KCND2: variants seen among roughly 807,000 people sequenced by gnomAD.
KCND2 encodes the protein A-type voltage-gated potassium channel KCND2.
KCND2 carries 16 observed loss-of-function variants against 54.4 expected under a neutral mutation model. That is an observed-to-expected ratio of 0.29 (90% confidence interval 0.20 to 0.45). The LOEUF (loss-of-function observed/expected upper bound fraction) is 0.45. Among genes scored for constraint, KCND2 ranks in the 20% least tolerant of loss-of-function variants. The probability of loss-of-function intolerance (pLI) is 1.00; values close to 1 mark genes in which losing one functional copy is unlikely to be tolerated. For synonymous variants in KCND2, 317 were observed against 310.7 expected, an observed-to-expected ratio of 1.02 and a Z score of -0.21; for missense variants, 486 against 824.2, an observed-to-expected ratio of 0.59 and a Z score of 5.02.
chr7:120,450,428 G>A (rs1266645478), intron 1 of KCND2, among the ~76,000 whole-genome samples: 1 of 151,958 alleles, frequency 6.6e-6, no homozygotes, highest in Non-Finnish European at 1.5e-5. Flanking sequence ...AAAATTACTG[G>A]TTTGTATTAC....
At chr7:120,464,576 C>G (rs947857613) in intron 1 of KCND2, among the ~76,000 whole-genome samples, 1 of 152,186 alleles carries the variant, frequency 6.6e-6, no homozygotes, top group Non-Finnish European at 1.5e-5. Context: ...CATCAGAAGT[C>G]TGAGTGGATT....
At chr7:120,519,824 C>A (rs893581115) in intron 1 of KCND2, among the ~76,000 whole-genome samples, 1 of 152,074 alleles carries the variant, frequency 6.6e-6, no homozygotes, top group Non-Finnish European at 1.5e-5. Flanking sequence ...TTTTTACACT[C>A]GAGCCTGATC....
intron 1 of KCND2, among the ~76,000 whole-genome samples, chr7:120,341,706 T>G (rs954880549): frequency 6.6e-6 from 1 of 152,112 alleles, no homozygotes; most frequent in African/African-American, 2.4e-5. Flanking sequence ...ATTAAGGAAT[T>G]AAGATGCCAA....
At chr7:120,318,261 A>G (rs1203962500) in intron 1 of KCND2, among the ~76,000 whole-genome samples, 1 of 152,154 alleles carries the variant, frequency 6.6e-6, no homozygotes, top group East Asian at 1.9e-4. Context: ...TACAAATAGT[A>G]AAGTGTAAAC....
chr7:120,658,929 A>G (rs1470156265), intron 1 of KCND2, among the ~76,000 whole-genome samples: 1 of 152,244 alleles, frequency 6.6e-6, no homozygotes, highest in East Asian at 1.9e-4. Flanking sequence ...GAGAAAATAA[A>G]AAGATGAACT....
chr7:120,410,003 G>T (rs1801423418), intron 1 of KCND2, among the ~76,000 whole-genome samples: 1 of 151,550 alleles, frequency 6.6e-6, no homozygotes, highest in Non-Finnish European at 1.5e-5. Context: ...ATAATTTTTT[G>T]ATCTTGGCTC....
At chr7:120,353,133 C>CTT (rs72353278) in intron 1 of KCND2, among the ~76,000 whole-genome samples, 1,941 of 91,616 alleles carry the variant, frequency 0.021, 136 homozygotes, top group Middle Eastern at 0.06. Context: ...AATACTTTTA[C>CTT]TTTTTTTTTT....
chr7:120,410,552 T>G (rs1472907675), intron 1 of KCND2, among the ~76,000 whole-genome samples: 1 of 152,010 alleles, frequency 6.6e-6, no homozygotes, highest in East Asian at 1.9e-4. Context: ...TCTTTAATTC[T>G]TTTTCTTATT....
intron 1 of KCND2, among the ~76,000 whole-genome samples, chr7:120,380,368 T>A (rs1286615696): frequency 1.3e-5 from 2 of 152,016 alleles, no homozygotes; most frequent in Admixed American, 1.3e-4. Context: ...GCACTGTATT[T>A]GTTCTGAAGC....
intron 1 of KCND2, among the ~76,000 whole-genome samples, chr7:120,517,690 AT>A (rs1237060415): frequency 2.0e-5 from 3 of 152,152 alleles, no homozygotes; most frequent in African/African-American, 7.2e-5. Flanking sequence ...GCTATTTTGA[AT>A]TTTACCACTA....
chr7:120,407,426 A>G (rs1801378629), intron 1 of KCND2, among the ~76,000 whole-genome samples: 1 of 151,986 alleles, frequency 6.6e-6, no homozygotes, highest in African/African-American at 2.4e-5. Flanking sequence ...ATGCAATAAT[A>G]AGACTCCAAA....
At chr7:120,579,644 A>G (rs1033434105) in intron 1 of KCND2, among the ~76,000 whole-genome samples, 7 of 143,808 alleles carry the variant, frequency 4.9e-5, no homozygotes, top group African/African-American at 1.7e-4. Flanking sequence ...AAATAAATAA[A>G]TAAAATAAAA....
At chr7:120,720,165 C>T (rs1400187984) in intron 1 of KCND2, among the ~76,000 whole-genome samples, 2 of 152,062 alleles carry the variant, frequency 1.3e-5, no homozygotes, top group Non-Finnish European at 2.9e-5. Context: ...GTCCATCTTA[C>T]CCTTAGTTTT....
intron 1 of KCND2, among the ~76,000 whole-genome samples, chr7:120,603,851 A>G (rs1438626679): frequency 1.3e-5 from 2 of 152,192 alleles, no homozygotes; most frequent in Admixed American, 6.5e-5. Context: ...AATGCAATCC[A>G]AATTATACCC....
At position 120,353,555 on chromosome 7, in the gene KCND2, G is replaced by A. The variant is rs186794303; in HGVS notation, c.1115+77808G>A. Among the ~76,000 whole-genome samples, 5 of 152,166 alleles carry A rather than the reference G, an allele frequency of 3.3e-5. No individual in the cohort carries two copies. In the East Asian group the frequency reaches 9.7e-4, roughly 29 times the overall value. On this transcript the variant is annotated intron_variant, in intron 1 of 5. Coordinates refer to ENST00000331113, the MANE Select transcript of KCND2 (RefSeq NM_012281.3). ...AATAATGGTGTCTGAGATAGGAAAT[G>A]AAAGAAGAGCTTGGGGAAAAGAAGG...
At chr7:120,380,333 T>A (rs1037716623) in intron 1 of KCND2, among the ~76,000 whole-genome samples, 4 of 152,110 alleles carry the variant, frequency 2.6e-5, no homozygotes, top group Non-Finnish European at 5.9e-5. Flanking sequence ...CATTTATTTA[T>A]GCCTTTCCTG....
At chr7:120,379,141 A>T (rs1315125928) in intron 1 of KCND2, among the ~76,000 whole-genome samples, 1 of 152,092 alleles carries the variant, frequency 6.6e-6, no homozygotes, top group Non-Finnish European at 1.5e-5. Context: ...ATCATAGCCC[A>T]GGAAAGTAAA....
intron 1 of KCND2, among the ~76,000 whole-genome samples, chr7:120,367,578 A>G (rs2116410621): frequency 6.6e-6 from 1 of 151,334 alleles, no homozygotes; most frequent in Admixed American, 6.6e-5. Flanking sequence ...AAAAAAAAAG[A>G]AAGATAATTT....
intron 1 of KCND2, among the ~76,000 whole-genome samples, chr7:120,472,213 T>C (rs938044445): frequency 5.9e-5 from 9 of 151,930 alleles, no homozygotes; most frequent in Admixed American, 5.9e-4. Context: ...ATTTCTAAAA[T>C]GGAGATAATA....
Sources: gnomAD v4.1 joint callset for allele counts (sites outside exome capture counted in the v4.1 genomes callset) on GRCh38, gnomAD v4.1.1 for gene constraint, MANE v1.5 for transcripts, NCBI Gene and HGNC (gene_info 2026-07-23, HGNC 2026-07-21) for gene names.